The following USP34 variants were observed in gnomAD, a reference collection of about 807,000 sequenced individuals.
USP34 encodes the protein ubiquitin carboxyl-terminal hydrolase 34.
In USP34, 70 loss-of-function variants were observed where a neutral mutation model predicts 460.3. That is an observed-to-expected ratio of 0.15 (90% CI 0.13 to 0.19). USP34 has a LOEUF of 0.19. Ranked by LOEUF, USP34 falls within the 10% of genes least tolerant of loss-of-function variation. The pLI is 1.00. For synonymous variants in USP34, 1,647 were observed against 1,405.3 expected, an observed-to-expected ratio of 1.17 and a Z score of -3.85; for missense variants, 3,985 against 4,236.2, an observed-to-expected ratio of 0.94 and a Z score of 1.65.
chr2:61,274,887 G>A (rs906940933), intron 41 of USP34, among the ~76,000 whole-genome samples: 1 of 152,162 alleles, frequency 6.6e-6, no homozygotes, highest in Non-Finnish European at 1.5e-5. Context: ...CTAAATCTAT[G>A]TGTTAAATGT....
In USP34 at chr2:61,204,238, C is replaced by A. The variant is rs1463928532; in HGVS notation, c.9384+18G>T. 1 of 1,613,950 alleles carries A rather than the reference C, an allele frequency of 6.2e-7. No homozygotes were observed. On this transcript the variant is annotated intron_variant, in intron 74 of 79. Transcript: ENST00000398571. ...TTTGTACTATAGCAACATGGATTTT[C>A]CTGGCATCCCAACATACCTTACTGG...
At chr2:61,312,078 A>C (rs892297043) in intron 25 of USP34, among the ~76,000 whole-genome samples, 168 bp from the exon 26 acceptor site, 4 of 152,206 alleles carry the variant, frequency 2.6e-5, no homozygotes, top group Non-Finnish European at 4.4e-5. Context: ...ATACTGAATC[A>C]AACGTAACTG....
chr2:61,385,075 A>G (rs938242888), intron 5 of USP34, among the ~76,000 whole-genome samples: 1 of 152,234 alleles, frequency 6.6e-6, no homozygotes, highest in Middle Eastern at 3.4e-3. Flanking sequence ...AACACCCTAT[A>G]TATGTTCTTT....
At chr2:61,399,528 T>G (rs1693646067) in intron 3 of USP34, among the ~76,000 whole-genome samples, 1 of 151,828 alleles carries the variant, frequency 6.6e-6, no homozygotes, top group Non-Finnish European at 1.5e-5. Context: ...AACACACATC[T>G]ATAGGTTAAA....
At chr2:61,249,365 T>A (rs900109369) in intron 48 of USP34, among the ~76,000 whole-genome samples, 1 of 152,214 alleles carries the variant, frequency 6.6e-6, no homozygotes, top group Admixed American at 6.5e-5. Flanking sequence ...ACCATGGACA[T>A]GCTGGACAAA....
rs1162951851 is a variant in USP34 at position 61,314,661 on chromosome 2, C to G, written c.3466G>C (p.Glu1156Gln). 4 of 1,603,904 alleles carry G rather than the reference C, an allele frequency of 2.5e-6. No individual in the cohort carries two copies. The highest frequency in any genetic ancestry group is 3.4e-6 in the Non-Finnish European group (4 of 1,176,728). ...LMIASSSLEQ[E>Q]SHSSLMVIER... ...ATAACCATGAGACTTGAGTGTGATT[C>G]CTGTTCAAGACTGCTAGAAGCTATC... The change falls in exon 25 of 80, where the codon GAA (glutamate) becomes CAA (glutamine). Residue 1156 changes from glutamate (E) to glutamine (Q), a missense_variant. Physicochemically the swap from Glu to Gln is conservative, Grantham distance 29. Around this residue, in one of 14 missense-constraint regions of USP34, gnomAD observed 1,114 missense variants for 1,122.5 expected, o/e 0.99. Coordinates refer to ENST00000398571, the MANE Select transcript of USP34 (RefSeq NM_014709.4).
chr2:61,412,607 G>C (rs1337991744), intron 2 of USP34, among the ~76,000 whole-genome samples: 1 of 151,902 alleles, frequency 6.6e-6, no homozygotes, highest in African/African-American at 2.4e-5. Context: ...GGAGAGAAAA[G>C]GCCTGGTGCA....
At chr2:61,206,706 T>C in intron 71 of USP34, 54 bp downstream of exon 71, 3 of 1,586,846 alleles carry the variant, frequency 1.9e-6, no homozygotes, top group South Asian at 1.1e-5. Flanking sequence ...TTTAAAACCT[T>C]CTCTCTCTTT....
chr2:61,349,552 A>T (rs534651665), intron 12 of USP34, among the ~76,000 whole-genome samples: 63 of 152,114 alleles, frequency 4.1e-4, no homozygotes, highest in African/African-American at 1.5e-3. Flanking sequence ...TAAAAAAAAT[A>T]CCCACTGGCC....
chr2:61,454,139 G>C (rs561991426), intron 1 of USP34, among the ~76,000 whole-genome samples: 2 of 152,238 alleles, frequency 1.3e-5, no homozygotes, highest in African/African-American at 4.8e-5. Flanking sequence ...GGAAAAGAGA[G>C]GGTTTGGGGT....
chr2:61,205,999 A>G lies in USP34; in HGVS notation c.9154+18T>C. 6 of 1,585,110 alleles carry G rather than the reference A, an allele frequency of 3.8e-6. No individual in the cohort carries two copies. Among genetic ancestry groups the G allele is most frequent in the Non-Finnish European group, 5.2e-6 (6 of 1,154,738 alleles). On this transcript the variant is annotated intron_variant, in intron 72 of 79. Transcript: ENST00000398571. Reference sequence around the variant, plus strand: ...TTCCACTAGGTTTTTACACGGGTGAATTTTTCAAGTAACTTACCTATACAG... The same window carrying G: ...TTCCACTAGGTTTTTACACGGGTGAGTTTTTCAAGTAACTTACCTATACAG...
chr2:61,468,553 C>T (rs1344388563), intron 1 of USP34, among the ~76,000 whole-genome samples: 1 of 152,156 alleles, frequency 6.6e-6, no homozygotes, highest in Non-Finnish European at 1.5e-5. Context: ...AATTGAGCCT[C>T]AAAGGCAATA....
chr2:61,305,141 T>G (rs1187163866), intron 27 of USP34, among the ~76,000 whole-genome samples: 3 of 152,028 alleles, frequency 2.0e-5, no homozygotes, highest in African/African-American at 7.2e-5. Context: ...CTGGCCAATA[T>G]GATGAAACCC....
chr2:61,347,742 T>C (rs1431509956), intron 15 of USP34, 128 bp downstream of exon 15: 3 of 1,458,502 alleles, frequency 2.1e-6, no homozygotes, highest in East Asian at 4.6e-5. Flanking sequence ...ATTTGTAGCT[T>C]ACATTTATAG....
chr2:61,374,200 G>T (rs112232785), intron 8 of USP34, among the ~76,000 whole-genome samples: 4,159 of 150,490 alleles, frequency 0.028, 82 homozygotes, highest in Non-Finnish European at 0.043. Flanking sequence ...AGGTTCAGAA[G>T]TGTTTAGATG....
chr2:61,293,264 G>C (rs1446369230), intron 33 of USP34, among the ~76,000 whole-genome samples, 200 bp downstream of exon 33: 2 of 152,004 alleles, frequency 1.3e-5, no homozygotes, highest in South Asian at 2.1e-4. Context: ...AATTTTATCA[G>C]AAGAATTTTT....
At chr2:61,440,836 A>G (rs1694943723) in intron 1 of USP34, among the ~76,000 whole-genome samples, 1 of 151,910 alleles carries the variant, frequency 6.6e-6, no homozygotes, top group South Asian at 2.1e-4. Context: ...TAATTTAAAA[A>G]AAAAAAAAAT....
At chr2:61,193,025 T>TA in intron 75 of USP34, 45 bp from the exon 76 acceptor site, 10 of 1,470,866 alleles carry the variant, frequency 6.8e-6, no homozygotes, top group Non-Finnish European at 9.4e-6. Context: ...TTATAAATTA[T>TA]ACTAGTGAGA....
At chr2:61,430,590 C>A (rs560595730) in intron 1 of USP34, among the ~76,000 whole-genome samples, 3 of 152,080 alleles carry the variant, frequency 2.0e-5, no homozygotes, top group African/African-American at 4.8e-5. Flanking sequence ...TAAACACATA[C>A]CCTTACAATA....
Sources: allele counts gnomAD v4.1 joint callset (sites outside exome capture counted in the v4.1 genomes callset), GRCh38; gene constraint gnomAD v4.1.1; regional missense constraint gnomAD v4.1.1; transcripts MANE v1.5; gene names NCBI Gene and HGNC (gene_info 2026-07-23, HGNC 2026-07-21).